The following SAMD4B variants were observed in gnomAD, a reference collection of about 807,000 sequenced individuals.
SAMD4B encodes the protein protein Smaug homolog 2.
A neutral mutation model predicts 74.5 loss-of-function variants in SAMD4B; 5 were observed. The ratio of observed to expected loss-of-function variants is 0.07; its 90% CI spans 0.04 to 0.14. SAMD4B has a LOEUF of 0.14. Among genes scored for constraint, SAMD4B ranks in the 10% least tolerant of loss-of-function variants. SAMD4B has a pLI of 1.00. For synonymous variants in SAMD4B, 373 were observed against 374.9 expected (o/e 1.00, Z 0.06); for missense variants, 608 against 921.8 (o/e 0.66, Z 4.41).
chr19:39,383,398 T>C lies in SAMD4B; in HGVS notation c.2057-101T>C. The C allele has an allele frequency of 6.4e-7, 1 of 1,567,372 alleles. No individual in the cohort carries two copies. The highest frequency in any genetic ancestry group is 8.8e-7 in the Non-Finnish European group (1 of 1,137,448). On this transcript the variant is annotated intron_variant, in intron 13 of 13. Coordinates refer to ENST00000610417, the MANE Select transcript of SAMD4B (RefSeq NM_001384574.2). The surrounding 1 kb of genome is among the most constrained non-coding windows in gnomAD (Gnocchi z 4.1). Reference sequence around the variant, plus strand: ...GAGGGGTCCCCAGGGGAGGCCAGACTCCAGGGAGGGCCTGACTGGGATGAC... The same window carrying C: ...GAGGGGTCCCCAGGGGAGGCCAGACCCCAGGGAGGGCCTGACTGGGATGAC...
intron 1 of SAMD4B, among the ~76,000 whole-genome samples, chr19:39,345,879 T>C (rs924503206): frequency 2.6e-5 from 4 of 152,134 alleles, no homozygotes; most frequent in Non-Finnish European, 5.9e-5. Context: ...CCCTTTTTTT[T>C]CTCCACACAG....
At chr19:39,368,667 G>A (rs1419903716) in intron 3 of SAMD4B, among the ~76,000 whole-genome samples, 1 of 152,144 alleles carries the variant, frequency 6.6e-6, no homozygotes, top group Non-Finnish European at 1.5e-5. Flanking sequence ...TGGATGTATG[G>A]GATCGATTGG....
In SAMD4B at chr19:39,378,635, G is replaced by A. The variant is rs762420588; in HGVS notation, c.1530+46G>A. 20 of 1,569,504 alleles carry A rather than the reference G, an allele frequency of 1.3e-5. No homozygotes were observed. The highest frequency in any genetic ancestry group is 1.8e-4 in the Middle Eastern group (1 of 5,566). Reference sequence around the variant, plus strand: ...CTCAAAAAGGGAAAGGCGGCCAGGCGTGGTGGTTCACGCCTGTAGTCCCAG... The same window carrying A: ...CTCAAAAAGGGAAAGGCGGCCAGGCATGGTGGTTCACGCCTGTAGTCCCAG... On this transcript the variant is annotated intron_variant, in intron 9 of 13. Coordinates refer to ENST00000610417, the MANE Select transcript of SAMD4B (RefSeq NM_001384574.2). This position sits in a 1 kb window ranked among gnomAD's most constrained non-coding sequence, Gnocchi z 4.4.
chr19:39,362,649 T>A (rs1427124415), intron 3 of SAMD4B, among the ~76,000 whole-genome samples: 1 of 152,178 alleles, frequency 6.6e-6, no homozygotes, highest in African/African-American at 2.4e-5. Context: ...GGTCCTCTCC[T>A]TTCCTCTGAT....
In SAMD4B at chr19:39,376,694, C is replaced by G. The variant is rs771851260; in HGVS notation, c.1018-11C>G. 2 of 1,613,500 alleles carry G rather than the reference C, an allele frequency of 1.2e-6. No homozygotes were observed. Among genetic ancestry groups the G allele is most frequent in the African/African-American group, 1.3e-5 (1 of 75,000 alleles). On this transcript the variant is annotated splice_polypyrimidine_tract_variant and intron_variant, in intron 6 of 13. Transcript: ENST00000610417. ...TCTCTAGCTTCCTGTCCCCTTCTGC[C>G]CTTATCACAGAACGTCACCAAAGGT...
In SAMD4B at chr19:39,375,908, C is replaced by T; in HGVS notation, c.907+19C>T. The T allele has an allele frequency of 1.3e-6, 2 of 1,594,804 alleles. No individual in the cohort carries two copies. Among genetic ancestry groups the T allele is most frequent in the Non-Finnish European group, 1.7e-6 (2 of 1,173,378 alleles). On this transcript the variant is annotated intron_variant, in intron 5 of 13. Transcript: ENST00000610417. This position sits in a 1 kb window ranked among gnomAD's most constrained non-coding sequence, Gnocchi z 4.1. ...ATGAAAGGTACATTGGGGACAGCAG[C>T]ACCAGGACCCTTTTCCAGGGGCTTC...
At chr19:39,358,698 C>G (rs1321972705) in intron 3 of SAMD4B, among the ~76,000 whole-genome samples, 1 of 152,122 alleles carries the variant, frequency 6.6e-6, no homozygotes, top group African/African-American at 2.4e-5. Context: ...GTGTGGCTTC[C>G]TACATGCCTG....
At chr19:39,376,890 C>A in intron 7 of SAMD4B, 99 bp downstream of exon 7, 2 of 995,842 alleles carry the variant, frequency 2.0e-6, no homozygotes, top group Non-Finnish European at 3.0e-6. Context: ...TCGGATGTGG[C>A]CTCCAAAATT....
chr19:39,362,683 TC>T (rs1332571084), intron 3 of SAMD4B, among the ~76,000 whole-genome samples: 1 of 152,130 alleles, frequency 6.6e-6, no homozygotes, highest in East Asian at 1.9e-4. Context: ...AGAAGGCTGT[TC>T]CTATGGACAG....
At chr19:39,353,456 T>C (rs1475410488) in intron 1 of SAMD4B, among the ~76,000 whole-genome samples, 13 of 152,198 alleles carry the variant, frequency 8.5e-5, no homozygotes, top group Admixed American at 8.5e-4. Context: ...GACATAAATA[T>C]TCATATATAA....
chr19:39,348,630 G>A (rs1255798304), intron 1 of SAMD4B, among the ~76,000 whole-genome samples: 2 of 152,178 alleles, frequency 1.3e-5, no homozygotes, highest in Non-Finnish European at 2.9e-5. Context: ...AAGGGGATTG[G>A]GAAACTATTA....
chr19:39,386,074 T>C (rs147781421), downstream of SAMD4B: 205 of 1,614,016 alleles, frequency 1.3e-4, no homozygotes, highest in Middle Eastern at 8.3e-4. This position sits in a 1 kb window ranked among gnomAD's most constrained non-coding sequence, Gnocchi z 6.1. Flanking sequence ...TCGCTGCCAC[T>C]GGGGAAGGGA....
intron 4 of SAMD4B, among the ~76,000 whole-genome samples, chr19:39,370,632 T>C (rs910392833): frequency 6.6e-6 from 1 of 152,204 alleles, no homozygotes; most frequent in Non-Finnish European, 1.5e-5. Context: ...GTGCATACCA[T>C]CATCTGAGAT....
chr19:39,358,436 G>A (rs1317267721), intron 3 of SAMD4B, among the ~76,000 whole-genome samples: 1 of 152,052 alleles, frequency 6.6e-6, no homozygotes, highest in Non-Finnish European at 1.5e-5. Context: ...ATGTTTAGTA[G>A]AGACGGGGCT....
Position 39,376,566 on chromosome 19 carries a change from C to T in SAMD4B, c.1017+20C>T, listed in dbSNP as rs1250439612. On this transcript the variant is annotated intron_variant, in intron 6 of 13. Coordinates refer to ENST00000610417, the MANE Select transcript of SAMD4B (RefSeq NM_001384574.2). Reference sequence around the variant, plus strand: ...TCTCAGGTGAAGCCAAGGGGACCATCAGGGAGGTGCTGGGGGCAGCGCTAG... The same window carrying T: ...TCTCAGGTGAAGCCAAGGGGACCATTAGGGAGGTGCTGGGGGCAGCGCTAG... 1.2e-6 allele frequency: 2 copies of T among 1,603,794 alleles called. No homozygotes were observed. The highest frequency in any genetic ancestry group is 1.7e-6 in the Non-Finnish European group (2 of 1,171,502).
intron 1 of SAMD4B, among the ~76,000 whole-genome samples, chr19:39,342,870 C>G (rs2075394144): frequency 6.6e-6 from 1 of 151,552 alleles, no homozygotes. Flanking sequence ...CAGGACCCCC[C>G]GCACATCCCC....
Position 39,378,549 on chromosome 19 carries a change from C to T in SAMD4B, c.1490C>T (p.Thr497Ile). 2 of 1,614,024 alleles carry T rather than the reference C, an allele frequency of 1.2e-6. No individual in the cohort carries two copies. The highest frequency in any genetic ancestry group is 1.7e-6 in the Non-Finnish European group (2 of 1,179,966). Residue 497 changes from threonine (T) to isoleucine (I), a missense_variant, in exon 9 of 14, where the codon ACC (threonine) becomes ATC (isoleucine). Around this residue, in one of 9 missense-constraint regions of SAMD4B, gnomAD observed 27 missense variants for 48.6 expected, o/e 0.56. Transcript: ENST00000610417. This position sits in a 1 kb window ranked among gnomAD's most constrained non-coding sequence, Gnocchi z 4.4. ...LVSRPDEENI[T>I]SYLQLIEKCL... The stretch of plus-strand genomic sequence containing the variant: ...TCCCGACCAGACGAGGAGAACATCA[C>T]CAGTTACCTCCAGCTCATCGAAAAG...
rs1378213805 is a variant in SAMD4B, at chr19:39,356,803, G to A, written c.-91G>A. The A allele has an allele frequency of 2.6e-6, 3 of 1,133,238 alleles. No individual in the cohort carries two copies. Among genetic ancestry groups the A allele is most frequent in the African/African-American group, 3.1e-5 (2 of 63,562 alleles). The allele number at this position is 1,133,238 out of a possible 1,614,324, so 70.2% of individuals were successfully genotyped here. A position where few individuals can be genotyped will look rare whatever the true frequency, so the allele number is the denominator to read the frequency against. On this transcript the variant is annotated 5_prime_UTR_variant, in exon 3 of 14. Transcript: ENST00000610417. ...ACGTCCTTAAGCCCTGGCCCTCAGG[G>A]GAAAGGTAACAGGAGGCCAGAGCCG...
In SAMD4B at chr19:39,378,986, G is replaced by T. The variant is rs1055498143; in HGVS notation, c.1530+397G>T. ...GGCACATGCCAGCCCTTCCAGTCTTGTATCTTACCAGTGTTGGCTTTAGAG... is the reference window on the plus strand; with the variant it reads ...GGCACATGCCAGCCCTTCCAGTCTTTTATCTTACCAGTGTTGGCTTTAGAG... On this transcript the variant is annotated intron_variant, in intron 9 of 13. Transcript: ENST00000610417. The surrounding 1 kb of genome is among the most constrained non-coding windows in gnomAD (Gnocchi z 4.4). 2.0e-4 allele frequency among the ~76,000 whole-genome samples: 30 copies of T among 152,012 alleles called. No individual in the cohort carries two copies. Among genetic ancestry groups the T allele is most frequent in the Non-Finnish European group, 3.5e-4 (24 of 68,028 alleles).
Sources: gnomAD v4.1 joint callset for allele counts (sites outside exome capture counted in the v4.1 genomes callset) on GRCh38, gnomAD v4.1.1 for gene constraint, gnomAD v4.1.1 regional missense constraint, Gnocchi (gnomAD v3.1) non-coding constraint, MANE v1.5 for transcripts, NCBI Gene and HGNC (gene_info 2026-07-23, HGNC 2026-07-21) for gene names.